The following THAP6 variants were observed in gnomAD, a reference collection of about 807,000 sequenced individuals.
The protein encoded by THAP6 is THAP domain-containing protein 6.
THAP6 carries 13 observed loss-of-function variants against 20.0 expected under a neutral mutation model. The observed-to-expected ratio is 0.65, with a 90% CI of 0.42 to 1.03. THAP6 has a LOEUF of 1.03. Among genes scored for constraint, THAP6 ranks in the 50% least tolerant of loss-of-function variants. The pLI, the probability that THAP6 is intolerant of heterozygous loss-of-function variation, is 0.00. For synonymous variants in THAP6, 93 were observed against 92.2 expected (o/e 1.01, Z -0.05); for missense variants, 262 against 261.6 (o/e 1.00, Z -0.01).
chr4:75,535,002 C>T (rs1216837201), downstream of THAP6, among the ~76,000 whole-genome samples: 3 of 152,204 alleles, frequency 2.0e-5, no homozygotes, highest in African/African-American at 4.8e-5. Flanking sequence ...GGTGATTCCT[C>T]AGGGATCTAG....
intron 3 of THAP6, among the ~76,000 whole-genome samples, chr4:75,545,986 T>C (rs182920556): frequency 1.4e-4 from 21 of 152,340 alleles, no homozygotes; most frequent in Admixed American, 1.3e-3. Context: ...CTAGCCTTTC[T>C]GACATTGCTG....
At position 75,528,875 on chromosome 4, in the gene THAP6, C is replaced by A; in HGVS notation, c.*1661C>A. On this transcript the variant is annotated 3_prime_UTR_variant, in exon 5 of 5. Coordinates refer to ENST00000311638, the MANE Select transcript of THAP6 (RefSeq NM_144721.6). ...ACCAGCCTGGCCAAGATGGTGAAAC[C>A]CCATCTCTGCTAAAAATACAAAAAA... 1.5e-6 allele frequency: 1 copy of A among 672,574 alleles called. No homozygotes were observed. Among genetic ancestry groups the A allele is most frequent in the Non-Finnish European group, 1.8e-6 (1 of 544,788 alleles). The allele number at this position is 672,574 out of a possible 1,614,324, so 41.7% of individuals were successfully genotyped here. A position where few individuals can be genotyped will look rare whatever the true frequency, so the allele number is the denominator to read the frequency against.
intron 4 of THAP6, among the ~76,000 whole-genome samples, chr4:75,523,295 T>C (rs113375583): frequency 0.018 from 2,699 of 152,282 alleles, 72 homozygotes; most frequent in African/African-American, 0.06. Context: ...TTAATCGAAT[T>C]TTTAGATTTC....
At chr4:75,520,539 T>C (rs1435595337) in intron 3 of THAP6, among the ~76,000 whole-genome samples, 2 of 152,212 alleles carry the variant, frequency 1.3e-5, no homozygotes, top group Admixed American at 6.5e-5. Context: ...ATCCTACATA[T>C]GAACAATAGT....
At chr4:75,530,114 TCTC>T, downstream of THAP6, 3 of 979,626 alleles carry the variant, frequency 3.1e-6, no homozygotes, top group Non-Finnish European at 3.6e-6. Context: ...TGCTCTAATT[TCTC>T]CTCCACCAAT....
chr4:75,534,416 A>G (rs145630967), downstream of THAP6, among the ~76,000 whole-genome samples: 3,970 of 152,266 alleles, frequency 0.026, 185 homozygotes, highest in African/African-American at 0.091. Flanking sequence ...TTAATTCAAG[A>G]TGGATTAAAG....
intron 3 of THAP6, chr4:75,543,000 T>C (rs1473161945): frequency 6.5e-6 from 1 of 153,066 alleles, no homozygotes; most frequent in Non-Finnish European, 1.5e-5. Flanking sequence ...CAGGATGAAG[T>C]CACCTTACCA....
intron 4 of THAP6, 166 bp downstream of exon 4, chr4:75,522,027 C>A: frequency 1.4e-6 from 1 of 713,358 alleles, no homozygotes; most frequent in Non-Finnish European, 2.1e-6. Flanking sequence ...TATGCAACAG[C>A]AAAATAGAGG....
chr4:75,527,702 T>C lies in THAP6; in HGVS notation c.*488T>C. ...CAATCCAAGGTGCTTTAGCTATCAG[T>C]AGTACCAAAGGATCTTTTTACAAGG... On this transcript the variant is annotated 3_prime_UTR_variant, in exon 5 of 5. Transcript: ENST00000311638. The C allele has an allele frequency of 1.0e-6, 1 of 991,022 alleles. No individual in the cohort carries two copies. Among genetic ancestry groups the C allele is most frequent in the Non-Finnish European group, 1.2e-6 (1 of 833,188 alleles). The allele number at this position is 991,022 out of a possible 1,614,324, so 61.4% of individuals were successfully genotyped here.
intron 2 of THAP6, among the ~76,000 whole-genome samples, chr4:75,535,994 T>C (rs1726841720): frequency 6.6e-6 from 1 of 152,248 alleles, no homozygotes; most frequent in Admixed American, 6.5e-5. Flanking sequence ...TCTAGGACCA[T>C]TTCCTTGGTT....
chr4:75,540,519 T>C (rs1726974228), intron 2 of THAP6, among the ~76,000 whole-genome samples: 1 of 152,222 alleles, frequency 6.6e-6, no homozygotes, highest in South Asian at 2.1e-4. Context: ...TGTCCAATAA[T>C]AAACTTCTCA....
chr4:75,533,532 C>T (rs894396420), downstream of THAP6, among the ~76,000 whole-genome samples: 5 of 152,166 alleles, frequency 3.3e-5, no homozygotes, highest in African/African-American at 7.2e-5. Context: ...ACCCCACTCT[C>T]GGTACCAATT....
In THAP6 at chr4:75,516,803, T is replaced by G. The variant is rs912021529; in HGVS notation, c.112T>G (p.Trp38Gly). The G allele has an allele frequency of 1.2e-6, 2 of 1,613,736 alleles. No individual in the cohort carries two copies. Among genetic ancestry groups the G allele is most frequent in the Non-Finnish European group, 1.7e-6 (2 of 1,179,912 alleles). The change falls in exon 3 of 5, where the codon TGG becomes GGG. Residue 38 changes from tryptophan (W) to glycine (G), a missense_variant. Transcript: ENST00000311638. Reference protein sequence around the residue: ...FPTDENIKRKWVLAMKRLDVN... With the variant: ...FPTDENIKRKGVLAMKRLDVN... ...CACAGATGAAAACATCAAAAGGAAA[T>G]GGGTATTAGCAATGAAAAGACTTGA...
At position 75,528,385 on chromosome 4, in the gene THAP6, A is replaced by AG. The variant is rs1726507942; in HGVS notation, c.*1171_*1172insG. The AG allele has an allele frequency of 1.0e-6, 1 of 985,326 alleles. No homozygotes were observed. The highest frequency in any genetic ancestry group is 1.2e-6 in the Non-Finnish European group (1 of 829,944). 61.0% of individuals were successfully genotyped at this position (985,326 alleles called of 1,614,324 possible). Reference sequence around the variant, plus strand: ...AATACTGTGGGTTAGAATAAAAACCATTTGCCAAAGCAACACTCTACTTAG... The same window carrying AG: ...AATACTGTGGGTTAGAATAAAAACCAGTTTGCCAAAGCAACACTCTACTTAG... On this transcript the variant is annotated 3_prime_UTR_variant, in exon 5 of 5. Transcript: ENST00000311638.
At chr4:75,532,417 C>T (rs1726709739), downstream of THAP6, among the ~76,000 whole-genome samples, 1 of 152,206 alleles carries the variant, frequency 6.6e-6, no homozygotes, top group Non-Finnish European at 1.5e-5. Flanking sequence ...TCCTGGCTGC[C>T]TTTATGGGCT....
At chr4:75,530,393 G>A (rs1326225251), downstream of THAP6, among the ~76,000 whole-genome samples, 1 of 152,148 alleles carries the variant, frequency 6.6e-6, no homozygotes, top group Non-Finnish European at 1.5e-5. Flanking sequence ...ACTTTAGAGG[G>A]GATGTCTTAG....
At chr4:75,547,320 G>GA (rs1169055073) in intron 3 of THAP6, among the ~76,000 whole-genome samples, 1 of 151,768 alleles carries the variant, frequency 6.6e-6, no homozygotes, top group Non-Finnish European at 1.5e-5. Context: ...AAATAAATTT[G>GA]AAAAAAAATT....
chr4:75,531,780 CTT>C (rs35001883), downstream of THAP6, among the ~76,000 whole-genome samples: 2 of 144,312 alleles, frequency 1.4e-5, no homozygotes, highest in East Asian at 2.0e-4. Flanking sequence ...AGAAACTCCC[CTT>C]TTTTTTTTTT....
At chr4:75,514,083 T>C, upstream of THAP6, 1 of 1,488,574 alleles carries the variant, frequency 6.7e-7, no homozygotes, top group Non-Finnish European at 9.1e-7. Flanking sequence ...GTGGAAAAGG[T>C]ATCCTGAAAA....
Sources: gnomAD v4.1 joint callset for allele counts (sites outside exome capture counted in the v4.1 genomes callset) on GRCh38, gnomAD v4.1.1 for gene constraint, MANE v1.5 for transcripts, NCBI Gene and HGNC (gene_info 2026-07-23, HGNC 2026-07-21) for gene names.